Variants in CDK14 observed in about 807,000 individuals in gnomAD.
The protein encoded by CDK14 is cyclin dependent kinase 14.
Under a neutral mutation model 60.7 loss-of-function variants are expected in CDK14, and 34 were observed. The observed-to-expected ratio is 0.56, with a 90% CI of 0.43 to 0.75. CDK14 has a LOEUF of 0.75. CDK14 is among the 30% of genes least tolerant of loss of function. The probability of loss-of-function intolerance (pLI) is 0.00; values close to 1 mark genes in which losing one functional copy is unlikely to be tolerated. For missense variants in CDK14, 482 were observed against 564.1 expected (o/e 0.85, Z 1.47); for synonymous variants, 197 against 203.7 (o/e 0.97, Z 0.28).
chr7:91,170,005 T>C (rs1266494095), intron 14 of CDK14, among the ~76,000 whole-genome samples: 1 of 152,234 alleles, frequency 6.6e-6, no homozygotes, highest in Admixed American at 6.5e-5. Flanking sequence ...TAAATTGAGG[T>C]ACCTTCCACA....
intron 10 of CDK14, among the ~76,000 whole-genome samples, chr7:91,034,236 G>A (rs1276646614): frequency 6.6e-6 from 1 of 152,164 alleles, no homozygotes; most frequent in Non-Finnish European, 1.5e-5. Flanking sequence ...GGGCCAGACA[G>A]TGGTCCCAAC....
intron 6 of CDK14, among the ~76,000 whole-genome samples, chr7:90,874,976 A>G (rs955046074): frequency 2.0e-5 from 3 of 152,152 alleles, no homozygotes; most frequent in Admixed American, 6.5e-5. Context: ...TTTACAATTC[A>G]TTACCCTAAA....
At chr7:90,619,447 T>A (rs899281447) in intron 2 of CDK14, among the ~76,000 whole-genome samples, 6 of 152,220 alleles carry the variant, frequency 3.9e-5, no homozygotes, top group Non-Finnish European at 8.8e-5. Flanking sequence ...TTTTTTTGTC[T>A]CTTGATACCT....
At chr7:91,045,769 G>T in intron 10 of CDK14, 128 bp from the exon 11 acceptor site, 1 of 592,984 alleles carries the variant, frequency 1.7e-6, no homozygotes. Context: ...TAAAATCTCT[G>T]GCATACGATA....
chr7:90,748,295 C>T (rs914090382), intron 4 of CDK14, among the ~76,000 whole-genome samples: 6 of 152,114 alleles, frequency 3.9e-5, no homozygotes, highest in Non-Finnish European at 7.4e-5. Flanking sequence ...ACAACTGTCT[C>T]CTCCTTTTCT....
chr7:90,793,415 C>G (rs1036912769), intron 5 of CDK14, among the ~76,000 whole-genome samples: 1 of 152,178 alleles, frequency 6.6e-6, no homozygotes, highest in African/African-American at 2.4e-5. Context: ...TAAGGAAATT[C>G]TTCCATTAGT....
At chr7:90,789,327 TACC>T (rs1455681868) in intron 4 of CDK14, among the ~76,000 whole-genome samples, 2 of 152,188 alleles carry the variant, frequency 1.3e-5, no homozygotes, top group Admixed American at 1.3e-4. Flanking sequence ...CTGTATTGTA[TACC>T]ACTATTTGTG....
At chr7:90,883,837 C>A (rs1012674681) in intron 6 of CDK14, among the ~76,000 whole-genome samples, 2 of 152,144 alleles carry the variant, frequency 1.3e-5, no homozygotes, top group African/African-American at 2.4e-5. Flanking sequence ...GTGACAAAAA[C>A]CAAATGATTA....
At chr7:91,051,859 T>C (rs1797401991) in intron 11 of CDK14, among the ~76,000 whole-genome samples, 1 of 152,196 alleles carries the variant, frequency 6.6e-6, no homozygotes, top group Non-Finnish European at 1.5e-5. Flanking sequence ...ACAGGTGCTG[T>C]GGTTCATATG....
intron 4 of CDK14, among the ~76,000 whole-genome samples, chr7:90,779,097 C>T (rs1486642658): frequency 2.0e-5 from 3 of 151,710 alleles, no homozygotes; most frequent in African/African-American, 7.3e-5. Context: ...ACTACAGATA[C>T]AAAAAATTAG....
intron 12 of CDK14, among the ~76,000 whole-genome samples, chr7:91,109,802 A>G (rs1368093724): frequency 1.3e-5 from 2 of 152,166 alleles, no homozygotes; most frequent in African/African-American, 4.8e-5. Context: ...TGAGGTCATT[A>G]TATTGTATTA....
intron 2 of CDK14, among the ~76,000 whole-genome samples, chr7:90,622,864 C>T (rs1799799911): frequency 6.6e-6 from 1 of 150,924 alleles, no homozygotes; most frequent in African/African-American, 2.4e-5. Flanking sequence ...AGTTTCCACC[C>T]AGGGATCCTA....
intron 5 of CDK14, among the ~76,000 whole-genome samples, chr7:90,796,208 AAG>A (rs1443426497): frequency 6.6e-6 from 1 of 152,136 alleles, no homozygotes; most frequent in Non-Finnish European, 1.5e-5. Context: ...AGAGCCTCTG[AAG>A]ACTTTAGAGT....
Position 91,081,315 on chromosome 7 carries a change from A to T in CDK14, c.1154+1835A>T, listed in dbSNP as rs375528871. 2.3e-4 allele frequency among the ~76,000 whole-genome samples: 35 copies of T among 152,344 alleles called. No individual in the cohort carries two copies. In the East Asian group the frequency reaches 2.5e-3, roughly 11 times the overall value. ...TGAGATCAGAATTCAAAAGAACTACATTAAAAGACTATTACGCGAGTGATG... is the reference window on the plus strand; with the variant it reads ...TGAGATCAGAATTCAAAAGAACTACTTTAAAAGACTATTACGCGAGTGATG... On this transcript the variant is annotated intron_variant, in intron 12 of 14. Transcript: ENST00000380050.
At chr7:90,752,247 G>A (rs1803875055) in intron 4 of CDK14, among the ~76,000 whole-genome samples, 1 of 151,438 alleles carries the variant, frequency 6.6e-6, no homozygotes, top group African/African-American at 2.4e-5. Context: ...ATTTAGGACA[G>A]ATGACCACAT....
intron 14 of CDK14, among the ~76,000 whole-genome samples, chr7:91,156,150 C>T (rs751420142): frequency 5.9e-5 from 9 of 152,194 alleles, no homozygotes; most frequent in African/African-American, 2.2e-4. Flanking sequence ...CTCTCATTAA[C>T]TAGTTGCCCA....
At chr7:90,676,980 G>A (rs1191880402) in intron 2 of CDK14, among the ~76,000 whole-genome samples, 2 of 151,318 alleles carry the variant, frequency 1.3e-5, no homozygotes, top group African/African-American at 4.9e-5. Flanking sequence ...GTTTCTGATA[G>A]CTTGAAGAAT....
chr7:91,085,215 A>G (rs1313890429), intron 12 of CDK14, among the ~76,000 whole-genome samples: 2 of 152,176 alleles, frequency 1.3e-5, no homozygotes, highest in African/African-American at 2.4e-5. Flanking sequence ...CAAGATGTTG[A>G]CCAACTTGGG....
chr7:90,933,605 T>C (rs1793661364), intron 8 of CDK14, among the ~76,000 whole-genome samples: 1 of 152,252 alleles, frequency 6.6e-6, no homozygotes, highest in Non-Finnish European at 1.5e-5. Context: ...AACTTCTTTA[T>C]ATAGAATGGC....
Sources: allele counts gnomAD v4.1 joint callset (sites outside exome capture counted in the v4.1 genomes callset), GRCh38; gene constraint gnomAD v4.1.1; transcripts MANE v1.5; gene names NCBI Gene and HGNC (gene_info 2026-07-23, HGNC 2026-07-21).